Variants in ZNF641 observed in about 807,000 individuals in gnomAD.
The protein encoded by ZNF641 is zinc finger protein 641.
A neutral mutation model predicts 46.2 loss-of-function variants in ZNF641; 26 were observed. The observed-to-expected ratio is 0.56, with a 90% confidence interval of 0.41 to 0.78. The LOEUF (loss-of-function observed/expected upper bound fraction) is 0.78, where lower values mean the gene tolerates loss of function less well. Among genes scored for constraint, ZNF641 ranks in the 30% least tolerant of loss-of-function variants. ZNF641 has a pLI of 0.00. For missense variants in ZNF641, 469 were observed against 517.8 expected, an observed-to-expected ratio of 0.91 and a Z score of 0.91; for synonymous variants, 163 against 187.9, an observed-to-expected ratio of 0.87 and a Z score of 1.09.
In ZNF641 at chr12:48,341,261, GAAGA is replaced by G; in HGVS notation, c.*1708_*1711del. 1.0e-6 allele frequency: 1 copy of G among 985,410 alleles called. No homozygotes were observed. Among genetic ancestry groups the G allele is most frequent in the Non-Finnish European group, 1.2e-6 (1 of 829,938 alleles). 61.0% of individuals were successfully genotyped at this position (985,410 alleles called of 1,614,324 possible). A position where few individuals can be genotyped will look rare whatever the true frequency, so the allele number is the denominator to read the frequency against. On this transcript the variant is annotated 3_prime_UTR_variant, in exon 6 of 6. Coordinates refer to ENST00000547026, the MANE Select transcript of ZNF641 (RefSeq NM_001172681.2). ...TTGTGGTTGAGAAACACATCTTAGGGAAGAAACAGTATCTAAGCATTAAAGAGAA... is the reference window on the plus strand; with the variant it reads ...TTGTGGTTGAGAAACACATCTTAGGGAACAGTATCTAAGCATTAAAGAGAA...
chr12:48,340,818 T>C lies in ZNF641; in HGVS notation c.*2155A>G. ...AGCTTTTAGTATTAAAGAGGGAGAG[T>C]AAAAGAAATGTCAGAGTCCAGATTT... is the stretch of plus-strand genomic sequence containing the variant. On this transcript the variant is annotated 3_prime_UTR_variant, in exon 6 of 6. Coordinates refer to ENST00000547026, the MANE Select transcript of ZNF641 (RefSeq NM_001172681.2). The C allele has an allele frequency of 1.0e-6, 1 of 985,258 alleles. No individual in the cohort carries two copies. The highest frequency in any genetic ancestry group is 1.2e-6 in the Non-Finnish European group (1 of 829,878). 61.0% of individuals were successfully genotyped at this position (985,258 alleles called of 1,614,324 possible). A position where few individuals can be genotyped will look rare whatever the true frequency, so the allele number is the denominator to read the frequency against.
At position 48,342,250 on chromosome 12, in the gene ZNF641, G is replaced by C. The variant is rs1269589982; in HGVS notation, c.*723C>G. On this transcript the variant is annotated 3_prime_UTR_variant, in exon 6 of 6. Coordinates refer to ENST00000547026, the MANE Select transcript of ZNF641 (RefSeq NM_001172681.2). ...AGGGAGTAGGAATAATGGGTAAAAA[G>C]GTTATTTTTTCAGCAGGTGAGGGTG... The C allele has an allele frequency of 1.0e-6, 1 of 985,334 alleles. No individual in the cohort carries two copies. The highest frequency in any genetic ancestry group is 1.1e-4 in the East Asian group (1 of 8,834). 61.0% of individuals were successfully genotyped at this position (985,334 alleles called of 1,614,324 possible).
Position 48,340,196 on chromosome 12 carries a change from G to A in ZNF641, c.*2777C>T. The A allele has an allele frequency of 1.0e-6, 1 of 985,408 alleles. No individual in the cohort carries two copies. The highest frequency in any genetic ancestry group is 1.7e-5 in the African/African-American group (1 of 57,340). The allele number at this position is 985,408 out of a possible 1,614,324, so 61.0% of individuals were successfully genotyped here. A position where few individuals can be genotyped will look rare whatever the true frequency, so the allele number is the denominator to read the frequency against. On this transcript the variant is annotated 3_prime_UTR_variant, in exon 6 of 6. Transcript: ENST00000547026. ...TTGGACCGAGGTAGAGAAGACAGTG[G>A]TACACCAGAAATAACCCAAAGGATT...
In ZNF641 at chr12:48,343,447, C is replaced by T; in HGVS notation, c.801G>A (p.Arg267=). 1 of 1,614,086 alleles carries T rather than the reference C, an allele frequency of 6.2e-7. No homozygotes were observed. Among genetic ancestry groups the T allele is most frequent in the Non-Finnish European group, 8.5e-7 (1 of 1,179,954 alleles). ...KQFVWGSHLA[R]HQQTHTGERP... ...TCTCCCCAGTGTGTGTTTGTTGATG[C>T]CTGGCAAGGTGGGAACCCCATACAA... Residue 267 remains arginine (R), a synonymous_variant, in exon 6 of 6, where the codon AGG becomes AGA. Coordinates refer to ENST00000547026, the MANE Select transcript of ZNF641 (RefSeq NM_001172681.2).
Position 48,347,245 on chromosome 12 carries a change from A to G in ZNF641, c.276+7T>C. 1.2e-6 allele frequency: 2 copies of G among 1,613,874 alleles called. No homozygotes were observed. The highest frequency in any genetic ancestry group is 1.7e-6 in the Non-Finnish European group (2 of 1,179,852). On this transcript the variant is annotated splice_region_variant and intron_variant, in intron 3 of 5. Transcript: ENST00000547026. Reference sequence around the variant, plus strand: ...CCACAGGAGACGCCAAGGGAAGCAGAGCTCACCTGTGATCCAGCCGCAAGA... The same window carrying G: ...CCACAGGAGACGCCAAGGGAAGCAGGGCTCACCTGTGATCCAGCCGCAAGA...
Position 48,338,694 on chromosome 12 carries a change from G to A in ZNF641, c.*4279C>T, listed in dbSNP as rs546869692. On this transcript the variant is annotated 3_prime_UTR_variant, in exon 6 of 6. Transcript: ENST00000547026. Reference sequence around the variant, plus strand: ...TAAGCAGAGTCTGGATTTAAATCTTGCTTGTGTCAAATCTTACTAGAAAAA... The same window carrying A: ...TAAGCAGAGTCTGGATTTAAATCTTACTTGTGTCAAATCTTACTAGAAAAA... 6.6e-6 allele frequency: 1 copy of A among 152,230 alleles called. No homozygotes were observed. Among genetic ancestry groups the A allele is most frequent in the Non-Finnish European group, 1.5e-5 (1 of 68,064 alleles). The allele number at this position is 152,230 out of a possible 1,614,324, so 9.4% of individuals were successfully genotyped here.
chr12:48,349,974 A>G, intron 1 of ZNF641: 1 of 1,597,104 alleles, frequency 6.3e-7, no homozygotes, highest in South Asian at 1.1e-5. Flanking sequence ...GCCAGCTGTA[A>G]GTTTTTCTAT....
chr12:48,349,240 T>C (rs1039356201), intron 1 of ZNF641, among the ~76,000 whole-genome samples: 2 of 152,180 alleles, frequency 1.3e-5, no homozygotes, highest in Admixed American at 6.5e-5. Context: ...CAATACCAGA[T>C]AGTGGGCTCT....
At chr12:48,336,039 A>C (rs759825650), downstream of ZNF641, among the ~76,000 whole-genome samples, 9 of 152,222 alleles carry the variant, frequency 5.9e-5, no homozygotes, top group Non-Finnish European at 1.2e-4. Flanking sequence ...AAAAACACTT[A>C]ACAGAAACAA....
chr12:48,348,547 T>C (rs1952943574), intron 1 of ZNF641, among the ~76,000 whole-genome samples: 1 of 152,184 alleles, frequency 6.6e-6, no homozygotes, highest in African/African-American at 2.4e-5. Context: ...ACACAGAAGA[T>C]TTTCTGCCAC....
intron 5 of ZNF641, among the ~76,000 whole-genome samples, chr12:48,344,089 T>G (rs1952796857): frequency 6.6e-6 from 1 of 152,222 alleles, no homozygotes; most frequent in African/African-American, 2.4e-5. Context: ...TATTATTTAT[T>G]ACCATTATTT....
Position 48,348,000 on chromosome 12 carries a change from T to C in ZNF641, c.91A>G (p.Ser31Gly), listed in dbSNP as rs752748266. The change falls in exon 2 of 6, where the codon AGC becomes GGC. Residue 31 changes from serine (S) to glycine (G), a missense_variant. Physicochemically the swap from Ser to Gly is moderately conservative, Grantham distance 56. Around this residue, in one of 3 missense-constraint regions of ZNF641, gnomAD observed 98 missense variants for 105.7 expected, o/e 0.93. Transcript: ENST00000547026. ...DGAEPQVERG[S>G]QEERPWRTVP... is the part of the protein sequence containing the mutation. ...GTTCTCCATGGCCGCTCTTCCTGGC[T>C]TCCCCTTTCCACCTGGGGCTCTGCT... 1 of 1,614,268 alleles carries C rather than the reference T, an allele frequency of 6.2e-7. No individual in the cohort carries two copies. The highest frequency in any genetic ancestry group is 8.5e-7 in the Non-Finnish European group (1 of 1,180,054).
rs1343879334 is a variant in ZNF641, at chr12:48,345,493, T to C, written c.277-19A>G. On this transcript the variant is annotated intron_variant, in intron 3 of 5. Transcript: ENST00000547026. Reference sequence around the variant, plus strand: ...CCAGGCCCTGAAACAAAATGTAGCATCTTCTGTCAGCAGCTGTTTTTTAAG... The same window carrying C: ...CCAGGCCCTGAAACAAAATGTAGCACCTTCTGTCAGCAGCTGTTTTTTAAG... The C allele has an allele frequency of 6.2e-7, 1 of 1,613,844 alleles. No homozygotes were observed. Among genetic ancestry groups the C allele is most frequent in the East Asian group, 2.2e-5 (1 of 44,880 alleles).
rs78197817 is a variant in ZNF641, at chr12:48,339,970, T to C, written c.*3003A>G. On this transcript the variant is annotated 3_prime_UTR_variant, in exon 6 of 6. Transcript: ENST00000547026. ...CTCAGAATAGGGTGGAGGTACCAGA[T>C]GGAAAAATGTGACAGGTTCCTGAAG... is the stretch of plus-strand genomic sequence containing the variant. The C allele has an allele frequency of 0.086, 84,503 of 985,368 alleles. 3,967 individuals are homozygous for C. The highest frequency in any genetic ancestry group is 0.096 in the Non-Finnish European group (79,321 of 829,872). 61.0% of individuals were successfully genotyped at this position (985,368 alleles called of 1,614,324 possible).
intron 5 of ZNF641, 55 bp downstream of exon 5, chr12:48,344,544 T>A (rs766577793): frequency 8.6e-7 from 1 of 1,156,550 alleles, no homozygotes; most frequent in Non-Finnish European, 1.3e-6. Flanking sequence ...GAACATGGAA[T>A]GATGATGTCC....
In ZNF641 at chr12:48,343,395, T is replaced by A. The variant is rs1238266429; in HGVS notation, c.853A>T (p.Lys285Ter). Reference sequence around the variant, plus strand: ...AGGTGATGTCTTCGCCCAAAGGTCTTCTCACACTTGAGGCAGCTGTAGGGT... The same window carrying A: ...AGGTGATGTCTTCGCCCAAAGGTCTACTCACACTTGAGGCAGCTGTAGGGT... ...ERPYSCLKCE[K>*]TFGRRHHLIR... Residue 285 changes from lysine (K) to a stop codon, truncating the protein, a stop_gained, in exon 6 of 6, where the codon AAG becomes TAG. Transcript: ENST00000547026. LOFTEE classifies it high-confidence loss of function. The A allele has an allele frequency of 6.2e-7, 1 of 1,614,176 alleles. No individual in the cohort carries two copies. Among genetic ancestry groups the A allele is most frequent in the Admixed American group, 1.7e-5 (1 of 60,024 alleles).
In ZNF641 at chr12:48,341,378, CAATT is replaced by C. The variant is rs1230050227; in HGVS notation, c.*1591_*1594del. ...TTAAATTATAAGATTGGTATTAACA[CAATT>C]ATTGATAAAGAGAAACAATGACCAA... On this transcript the variant is annotated 3_prime_UTR_variant, in exon 6 of 6. Coordinates refer to ENST00000547026, the MANE Select transcript of ZNF641 (RefSeq NM_001172681.2). 1.0e-6 allele frequency: 1 copy of C among 985,292 alleles called. No homozygotes were observed. The highest frequency in any genetic ancestry group is 1.2e-6 in the Non-Finnish European group (1 of 829,924). The allele number at this position is 985,292 out of a possible 1,614,324, so 61.0% of individuals were successfully genotyped here. A position where few individuals can be genotyped will look rare whatever the true frequency, so the allele number is the denominator to read the frequency against.
rs1481036403 is a variant in ZNF641 at position 48,340,801 on chromosome 12, G to C, written c.*2172C>G. 1 of 985,268 alleles carries C rather than the reference G, an allele frequency of 1.0e-6. No individual in the cohort carries two copies. The highest frequency in any genetic ancestry group is 6.1e-5 in the Admixed American group (1 of 16,272). 61.0% of individuals were successfully genotyped at this position (985,268 alleles called of 1,614,324 possible). A position where few individuals can be genotyped will look rare whatever the true frequency, so the allele number is the denominator to read the frequency against. The stretch of plus-strand genomic sequence containing the variant: ...AACCATTGCTTATGCAGAGCTTTTA[G>C]TATTAAAGAGGGAGAGTAAAAGAAA... On this transcript the variant is annotated 3_prime_UTR_variant, in exon 6 of 6. Coordinates refer to ENST00000547026, the MANE Select transcript of ZNF641 (RefSeq NM_001172681.2).
chr12:48,341,763 A>C lies in ZNF641; in HGVS notation c.*1210T>G. 1.0e-6 allele frequency: 1 copy of C among 985,322 alleles called. No individual in the cohort carries two copies. Among genetic ancestry groups the C allele is most frequent in the Non-Finnish European group, 1.2e-6 (1 of 829,916 alleles). 61.0% of individuals were successfully genotyped at this position (985,322 alleles called of 1,614,324 possible). ...CAAGAAACAGCTCACCTCCCCAAAGACTCCTCTTTCTCTGCCAGGGCAAAA... is the reference window on the plus strand; with the variant it reads ...CAAGAAACAGCTCACCTCCCCAAAGCCTCCTCTTTCTCTGCCAGGGCAAAA... On this transcript the variant is annotated 3_prime_UTR_variant, in exon 6 of 6. Transcript: ENST00000547026.
Sources: allele counts gnomAD v4.1 joint callset (sites outside exome capture counted in the v4.1 genomes callset), GRCh38; gene constraint gnomAD v4.1.1; regional missense constraint gnomAD v4.1.1; transcripts MANE v1.5; gene names NCBI Gene and HGNC (gene_info 2026-07-23, HGNC 2026-07-21).